ZC3HAV1: variants seen among roughly 807,000 people sequenced by gnomAD.
ZC3HAV1 encodes the protein zinc finger CCCH-type antiviral protein 1.
In ZC3HAV1, 41 loss-of-function variants were observed where a neutral mutation model predicts 86.6. The ratio of observed to expected loss-of-function variants is 0.47; its 90% CI spans 0.37 to 0.61. The LOEUF is 0.61. Among genes scored for constraint, ZC3HAV1 ranks in the 20% least tolerant of loss-of-function variants. The pLI, the probability that ZC3HAV1 is intolerant of heterozygous loss-of-function variation, is 0.00. For missense variants in ZC3HAV1, 964 were observed against 1,141.1 expected, an observed-to-expected ratio of 0.84 and a Z score of 2.24; for synonymous variants, 421 against 432.1, an observed-to-expected ratio of 0.97 and a Z score of 0.32.
At chr7:139,083,528 AG>A (rs1227457200) in intron 3 of ZC3HAV1, among the ~76,000 whole-genome samples, 2 of 152,094 alleles carry the variant, frequency 1.3e-5, no homozygotes, top group Non-Finnish European at 2.9e-5. Flanking sequence ...AAGGAGTTCA[AG>A]GCCAGCCTGG....
intron 1 of ZC3HAV1, among the ~76,000 whole-genome samples, chr7:139,105,856 A>G (rs1028272365): frequency 1.1e-4 from 17 of 152,334 alleles, no homozygotes; most frequent in African/African-American, 4.1e-4. Context: ...CGCTAAGAGG[A>G]GAATATTTTT....
At chr7:139,065,373 C>T (rs1165779091) in intron 7 of ZC3HAV1, among the ~76,000 whole-genome samples, 1 of 152,232 alleles carries the variant, frequency 6.6e-6, no homozygotes, top group East Asian at 1.9e-4. Flanking sequence ...CTGACTCTTA[C>T]ATGAAATAGA....
intron 5 of ZC3HAV1, among the ~76,000 whole-genome samples, chr7:139,077,379 G>T (rs752076474): frequency 1.3e-5 from 2 of 152,166 alleles, no homozygotes; most frequent in Non-Finnish European, 2.9e-5. Flanking sequence ...TAGTAGCTGG[G>T]ATTACAGGCA....
chr7:139,055,525 C>T (rs1816258819), intron 9 of ZC3HAV1, among the ~76,000 whole-genome samples: 1 of 152,244 alleles, frequency 6.6e-6, no homozygotes, highest in Admixed American at 6.5e-5. Context: ...ATGCCATTTT[C>T]CTATTGACTT....
chr7:139,100,259 C>T (rs7804956), intron 1 of ZC3HAV1, among the ~76,000 whole-genome samples: 38,060 of 151,824 alleles, frequency 0.25, 5,025 homozygotes, highest in East Asian at 0.42. Flanking sequence ...GGGCTGGGCG[C>T]GGTGGCTCAC....
At chr7:139,086,419 G>A (rs1817274606) in intron 2 of ZC3HAV1, among the ~76,000 whole-genome samples, 2 of 135,590 alleles carry the variant, frequency 1.5e-5, no homozygotes, top group Admixed American at 7.4e-5. Context: ...CTCTAATTGT[G>A]GGTACTGAAT....
At chr7:139,087,520 G>A (rs550161291) in intron 2 of ZC3HAV1, among the ~76,000 whole-genome samples, 1 of 152,006 alleles carries the variant, frequency 6.6e-6, no homozygotes, top group Admixed American at 6.6e-5. Context: ...AAGAATGCAC[G>A]GGGCTGGAGA....
chr7:139,074,827 T>C (rs1479786149), intron 6 of ZC3HAV1, among the ~76,000 whole-genome samples: 1 of 152,162 alleles, frequency 6.6e-6, no homozygotes, highest in Non-Finnish European at 1.5e-5. Flanking sequence ...GAATCAAATA[T>C]ATAATTGTTC....
chr7:139,053,515 T>C lies in ZC3HAV1; in HGVS notation c.2385A>G (p.Glu795=). The change falls in exon 12 of 13, where the codon GAA becomes GAG. Residue 795 remains glutamate, a synonymous_variant. Transcript: ENST00000242351. ...TGTCAAAATTATTCGAACAGATAGA[T>C]TCCACATAGGCACGGCTTGTCGCAT... ...LFYATSRAYV[E]SICSNNFDSF... is the part of the protein sequence containing the mutation. The C allele has an allele frequency of 6.2e-7, 1 of 1,605,626 alleles. No individual in the cohort carries two copies. The highest frequency in any genetic ancestry group is 8.5e-7 in the Non-Finnish European group (1 of 1,177,530).
rs532368489 is a variant in ZC3HAV1, at chr7:139,061,227, G to A, written c.1994-89C>T. On this transcript the variant is annotated intron_variant, in intron 8 of 12. Transcript: ENST00000242351. ...GTTATTTTGCAGAGGCTATTTACACGGCAAATATTCAAGACTGACCTGTAT... is the reference window on the plus strand; with the variant it reads ...GTTATTTTGCAGAGGCTATTTACACAGCAAATATTCAAGACTGACCTGTAT... 22 of 1,281,188 alleles carry A rather than the reference G, an allele frequency of 1.7e-5. No individual in the cohort carries two copies. The African/African-American group carries it at 1.9e-4, about 11-fold the overall frequency. The allele number at this position is 1,281,188 out of a possible 1,614,324, so 79.4% of individuals were successfully genotyped here.
At chr7:139,091,425 G>A (rs1183957121) in intron 1 of ZC3HAV1, among the ~76,000 whole-genome samples, 3 of 151,958 alleles carry the variant, frequency 2.0e-5, no homozygotes, top group Non-Finnish European at 4.4e-5. Flanking sequence ...CCGAGATCGC[G>A]CCACTGCACT....
At chr7:139,083,169 TTA>T (rs1817175256) in intron 3 of ZC3HAV1, among the ~76,000 whole-genome samples, 1 of 151,276 alleles carries the variant, frequency 6.6e-6, no homozygotes. Context: ...CTAAACAATT[TTA>T]TGTTTGTTTC....
At chr7:139,084,303 A>G (rs944811217) in intron 2 of ZC3HAV1, among the ~76,000 whole-genome samples, 1 of 152,212 alleles carries the variant, frequency 6.6e-6, no homozygotes, top group African/African-American at 2.4e-5. Flanking sequence ...TACAAACAGG[A>G]CCCAAAGTGA....
intron 2 of ZC3HAV1, among the ~76,000 whole-genome samples, chr7:139,087,582 G>A (rs1817308148): frequency 1.3e-5 from 2 of 152,104 alleles, no homozygotes; most frequent in Admixed American, 6.6e-5. Flanking sequence ...TTTATAATGT[G>A]TCTTGCATTC....
At chr7:139,100,834 TCC>T (rs891164287) in intron 1 of ZC3HAV1, among the ~76,000 whole-genome samples, 14 of 151,864 alleles carry the variant, frequency 9.2e-5, no homozygotes, top group African/African-American at 2.7e-4. Context: ...GGTCTCCCTC[TCC>T]CTCTCTTTCC....
chr7:139,098,917 T>A (rs1408277380), intron 1 of ZC3HAV1, among the ~76,000 whole-genome samples: 3 of 152,142 alleles, frequency 2.0e-5, no homozygotes, highest in Non-Finnish European at 4.4e-5. Context: ...GATACCTGGT[T>A]TGGAAGTAAA....
Position 139,045,058 on chromosome 7 carries a change from G to T in ZC3HAV1, c.*2536C>A, listed in dbSNP as rs1297491492. On this transcript the variant is annotated 3_prime_UTR_variant, in exon 13 of 13. Transcript: ENST00000242351. ...TTGTAAGCATCTGACTACTTCATTAGGTCTTCAGTTACAGCTGTGCCCAAG... is the reference window on the plus strand; with the variant it reads ...TTGTAAGCATCTGACTACTTCATTATGTCTTCAGTTACAGCTGTGCCCAAG... 1 of 152,060 alleles carries T rather than the reference G, an allele frequency of 6.6e-6. No homozygotes were observed. Among genetic ancestry groups the T allele is most frequent in the Non-Finnish European group, 1.5e-5 (1 of 68,022 alleles). 9.4% of individuals were successfully genotyped at this position (152,060 alleles called of 1,614,324 possible). A position where few individuals can be genotyped will look rare whatever the true frequency, so the allele number is the denominator to read the frequency against.
At chr7:139,061,610 T>C (rs1816445952) in intron 8 of ZC3HAV1, among the ~76,000 whole-genome samples, 1 of 152,236 alleles carries the variant, frequency 6.6e-6, no homozygotes, top group South Asian at 2.1e-4. Context: ...CATAATACAT[T>C]GCTAGTGAGA....
intron 1 of ZC3HAV1, among the ~76,000 whole-genome samples, chr7:139,099,111 T>A (rs1472768031): frequency 6.6e-6 from 1 of 152,204 alleles, no homozygotes. Context: ...AATGTCATAA[T>A]GTTTGTTAGC....
Sources: allele counts gnomAD v4.1 joint callset (sites outside exome capture counted in the v4.1 genomes callset), GRCh38; gene constraint gnomAD v4.1.1; transcripts MANE v1.5; gene names NCBI Gene and HGNC (gene_info 2026-07-23, HGNC 2026-07-21).